LRRC37A2: variants seen among roughly 807,000 people sequenced by gnomAD.
LRRC37A2 encodes the protein leucine rich repeat containing 37 member A2.
LRRC37A2 carries 9 observed loss-of-function variants against 68.8 expected under a neutral mutation model. The observed-to-expected ratio is 0.13, with a 90% CI of 0.08 to 0.23. LRRC37A2 has a LOEUF of 0.23. Ranked by LOEUF, LRRC37A2 falls within the 10% of genes least tolerant of loss-of-function variation. The pLI, the probability that LRRC37A2 is intolerant of heterozygous loss-of-function variation, is 1.00. For missense variants in LRRC37A2, 168 were observed against 950.4 expected (o/e 0.18, Z 10.82); for synonymous variants, 63 against 367.6 (o/e 0.17, Z 9.48).
the LRRC37A2 span, among the ~76,000 whole-genome samples, chr17:46,996,519 C>T: frequency 1.3e-5 from 2 of 152,234 alleles, no homozygotes; most frequent in African/African-American, 2.4e-5. Context: ...TGAGGCTGAA[C>T]TGCATGCTCT....
At chr17:46,818,650 A>T in the LRRC37A2 span, 5 of 1,479,212 alleles carry the variant, frequency 3.4e-6, 1 homozygote, top group East Asian at 9.6e-5. Context: ...AGGGGGAGCG[A>T]CGCCCCCAAT....
the LRRC37A2 span, among the ~76,000 whole-genome samples, chr17:46,715,690 AT>A: frequency 6.6e-6 from 1 of 152,154 alleles, no homozygotes; most frequent in South Asian, 2.1e-4. Flanking sequence ...CATTTTTATT[AT>A]TTTAATCTCT....
the LRRC37A2 span, among the ~76,000 whole-genome samples, chr17:46,779,103 A>ACACACCCCC: frequency 3.3e-4 from 44 of 133,660 alleles, 1 homozygote; most frequent in Admixed American, 1.9e-3. Context: ...ACACACACAC[A>ACACACCCCC]CCCCAGCCCA....
the LRRC37A2 span, among the ~76,000 whole-genome samples, chr17:46,825,058 T>C: frequency 4.6e-5 from 7 of 152,370 alleles, no homozygotes; most frequent in African/African-American, 1.7e-4. Context: ...AGCCTCCCTC[T>C]GTGCCCCTTT....
At chr17:46,904,446 CTGGATGGA>C in the LRRC37A2 span, among the ~76,000 whole-genome samples, 113,765 of 136,912 alleles carry the variant, frequency 0.83, 49,308 homozygotes, top group Non-Finnish European at 0.94. Flanking sequence ...GGCTGGCTGA[CTGGATGGA>C]TGGATGGATG....
At chr17:46,542,629 A>T (rs2145613522) in intron 8 of LRRC37A2, among the ~76,000 whole-genome samples, 1 of 150,422 alleles carries the variant, frequency 6.6e-6, no homozygotes, top group South Asian at 2.1e-4. Context: ...CAGGAGGTGG[A>T]GGTTGCAGTG....
intron 6 of LRRC37A2, among the ~76,000 whole-genome samples, chr17:46,530,277 G>T (rs1435073725): frequency 8.7e-6 from 1 of 114,552 alleles, no homozygotes; most frequent in East Asian, 2.7e-4. Context: ...GAGCCCACCA[G>T]TGGTCTTACA....
chr17:46,712,390 T>C, the LRRC37A2 span, among the ~76,000 whole-genome samples: 1 of 152,174 alleles, frequency 6.6e-6, no homozygotes, highest in Non-Finnish European at 1.5e-5. Flanking sequence ...GTGGGGAAGC[T>C]GAAGCCTAGA....
chr17:46,494,737 T>C, the LRRC37A2 span, among the ~76,000 whole-genome samples: 1 of 151,302 alleles, frequency 6.6e-6, no homozygotes, highest in African/African-American at 2.5e-5. Flanking sequence ...GTACATGTAA[T>C]ATTTTGATAG....
At chr17:46,842,285 G>T in the LRRC37A2 span, among the ~76,000 whole-genome samples, 7,234 of 152,302 alleles carry the variant, frequency 0.047, 583 homozygotes, top group African/African-American at 0.16. Context: ...AGGTGAGGTA[G>T]ATATGCCGCT....
the LRRC37A2 span, among the ~76,000 whole-genome samples, chr17:46,713,572 C>A: frequency 3.9e-5 from 6 of 152,016 alleles, no homozygotes; most frequent in African/African-American, 1.4e-4. Flanking sequence ...GAAGCAAAAC[C>A]CTTACACTCT....
chr17:46,891,918 C>CTTTT, the LRRC37A2 span, among the ~76,000 whole-genome samples: 84 of 71,764 alleles, frequency 1.2e-3, no homozygotes, highest in African/African-American at 1.4e-3. Flanking sequence ...CTTTTCTTTT[C>CTTTT]TTTTTTTTTT....
chr17:46,980,828 G>A, the LRRC37A2 span, among the ~76,000 whole-genome samples: 29 of 151,452 alleles, frequency 1.9e-4, no homozygotes, highest in Non-Finnish European at 8.8e-5. Flanking sequence ...GCGAGACTCC[G>A]TCTCAAAAAA....
chr17:47,019,773 A>T, the LRRC37A2 span: 2 of 915,230 alleles, frequency 2.2e-6, no homozygotes, highest in Non-Finnish European at 3.6e-6. Context: ...CCAGAGCCCA[A>T]CACCCACAAT....
chr17:46,725,605 A>G, the LRRC37A2 span, among the ~76,000 whole-genome samples: 1 of 152,314 alleles, frequency 6.6e-6, no homozygotes, highest in African/African-American at 2.4e-5. Flanking sequence ...GGTTAATATC[A>G]TGAGTTTGAC....
At chr17:46,938,811 G>C in the LRRC37A2 span, 1 of 1,612,222 alleles carries the variant, frequency 6.2e-7, no homozygotes, top group Non-Finnish European at 8.5e-7. Flanking sequence ...GCAAGTGTGT[G>C]TGTGTGTGAA....
chr17:46,848,083 A>G, the LRRC37A2 span, among the ~76,000 whole-genome samples: 2 of 152,034 alleles, frequency 1.3e-5, no homozygotes, highest in Non-Finnish European at 2.9e-5. Context: ...AGGTAGCTGC[A>G]TGTGGATATC....
the LRRC37A2 span, chr17:46,831,379 A>G: frequency 6.6e-6 from 1 of 152,268 alleles, no homozygotes; most frequent in African/African-American, 2.4e-5. Flanking sequence ...GGGGTGGCCC[A>G]TCCAGCCTTA....
the LRRC37A2 span, among the ~76,000 whole-genome samples, chr17:46,868,176 C>G: frequency 6.6e-6 from 1 of 152,152 alleles, no homozygotes; most frequent in East Asian, 1.9e-4. Context: ...AGCCCCCAGC[C>G]CAGAAGAGCA....
Sources: allele counts gnomAD v4.1 joint callset (sites outside exome capture counted in the v4.1 genomes callset), GRCh38; gene constraint gnomAD v4.1.1; transcripts MANE v1.5; gene names NCBI Gene and HGNC (gene_info 2026-07-23, HGNC 2026-07-21).